The following PRMT8 variants were observed in gnomAD, a reference collection of about 807,000 sequenced individuals.
PRMT8 encodes protein arginine N-methyltransferase 8.
A neutral mutation model predicts 47.1 loss-of-function variants in PRMT8; 7 were observed. That is an observed-to-expected ratio of 0.15 (90% CI 0.08 to 0.28). The LOEUF (loss-of-function observed/expected upper bound fraction) is 0.28, where lower values mean the gene tolerates loss of function less well. Ranked by LOEUF, PRMT8 falls within the 10% of genes least tolerant of loss-of-function variation. The pLI, the probability that PRMT8 is intolerant of heterozygous loss-of-function variation, is 1.00. For missense variants in PRMT8, 237 were observed against 505.4 expected (o/e 0.47, Z 5.09); for synonymous variants, 188 against 186.5 (o/e 1.01, Z -0.07).
chr12:3,464,980 C>T (rs113445095), intron 1 of PRMT8, among the ~76,000 whole-genome samples: 10,945 of 151,352 alleles, frequency 0.072, 489 homozygotes, highest in Non-Finnish European at 0.1. Context: ...CAAAATTAGC[C>T]GGGCGTGGTG....
chr12:3,419,976 A>AGGGGGAGAGGGGGAG (rs2137060514), intron 1 of PRMT8, among the ~76,000 whole-genome samples: 1 of 56,914 alleles, frequency 1.8e-5, no homozygotes, highest in East Asian at 5.9e-4. Flanking sequence ...AAAGAGGGAG[A>AGGGGGAGAGGGGGAG]GGGGGAGAGG....
chr12:3,517,246 C>T (rs1049914365), intron 1 of PRMT8, among the ~76,000 whole-genome samples: 2 of 152,136 alleles, frequency 1.3e-5, no homozygotes, highest in East Asian at 3.8e-4. Context: ...CGCTGTTCTC[C>T]GGGTCTCTGA....
intron 1 of PRMT8, among the ~76,000 whole-genome samples, chr12:3,451,043 CCCCCCCCCCCCCG>C (rs1175766399): frequency 3.2e-4 from 16 of 49,936 alleles, no homozygotes; most frequent in African/African-American, 9.1e-4. Context: ...ACCCCCCCCC[CCCCCCCCCCCCCG>C]CCGAAAGGTT....
chr12:3,523,727 T>C (rs774107465), intron 1 of PRMT8, among the ~76,000 whole-genome samples: 2 of 152,196 alleles, frequency 1.3e-5, no homozygotes, highest in Non-Finnish European at 2.9e-5. Flanking sequence ...AAGGCAGGCA[T>C]TGCATGTTGG....
At chr12:3,396,048 C>T (rs1300432518) in intron 1 of PRMT8, among the ~76,000 whole-genome samples, 16 of 151,972 alleles carry the variant, frequency 1.1e-4, no homozygotes, top group South Asian at 6.3e-4. Context: ...TGCCTTTTTT[C>T]GTTTTCCATT....
chr12:3,406,835 T>G lies in PRMT8; in HGVS notation c.48+25393T>G, dbSNP rs148107635. Among the ~76,000 whole-genome samples, 281 of 152,346 alleles carry G rather than the reference T, an allele frequency of 1.8e-3. 1 individual carries two copies. Among genetic ancestry groups the G allele is most frequent in the African/African-American group, 6.4e-3 (266 of 41,576 alleles). ...CCAAACTTTCCCACATTTTCTTGTC[T>G]TCTTCTGAGACTTCCAAGCTGTTCC... On this transcript the variant is annotated intron_variant, in intron 1 of 9. Transcript: ENST00000452611.
intron 1 of PRMT8, among the ~76,000 whole-genome samples, chr12:3,392,954 G>A (rs1188518511): frequency 6.6e-6 from 1 of 152,176 alleles, no homozygotes; most frequent in Non-Finnish European, 1.5e-5. Flanking sequence ...GCATGTCTCT[G>A]ATGGCCAGTG....
intron 1 of PRMT8, among the ~76,000 whole-genome samples, chr12:3,462,518 G>A: frequency 6.6e-6 from 1 of 152,024 alleles, no homozygotes; most frequent in East Asian, 1.9e-4. Context: ...GCAATAGCAA[G>A]CAGTTTTAAA....
chr12:3,590,548 G>C (rs1272540884), intron 8 of PRMT8, among the ~76,000 whole-genome samples: 1 of 151,462 alleles, frequency 6.6e-6, no homozygotes, highest in Non-Finnish European at 1.5e-5. Context: ...AAGGCCACAT[G>C]TAAGTCTTTC....
rs185350026 is a variant in PRMT8, at chr12:3,550,369, G to C, written c.417+278G>C. 7.5e-5 allele frequency: 28 copies of C among 372,778 alleles called. No individual in the cohort carries two copies. The highest frequency in any genetic ancestry group is 8.0e-5 in the Non-Finnish European group (16 of 201,172). 23.1% of individuals were successfully genotyped at this position (372,778 alleles called of 1,614,324 possible). A position where few individuals can be genotyped will look rare whatever the true frequency, so the allele number is the denominator to read the frequency against. On this transcript the variant is annotated intron_variant, in intron 3 of 9. Coordinates refer to ENST00000382622, the MANE Select transcript of PRMT8 (RefSeq NM_019854.5). The surrounding 1 kb of genome is among the most constrained non-coding windows in gnomAD (Gnocchi z 5.1). The stretch of plus-strand genomic sequence containing the variant: ...TGTCATCATGACCTTTCAGTGCTTA[G>C]CCCCAAGGTCAGCTTCAGAGGCAGT...
Position 3,576,780 on chromosome 12 carries a change from C to T in PRMT8, c.713-91C>T, listed in dbSNP as rs1017244549. On this transcript the variant is annotated intron_variant, in intron 6 of 9. Transcript: ENST00000382622. The surrounding 1 kb of genome is among the most constrained non-coding windows in gnomAD (Gnocchi z 4.0). ...AAGGGAACTCGAGCTGCCACTCAGC[C>T]CTCAGGCACGCTGTGCTCTAGGACT... The T allele has an allele frequency of 1.0e-6, 1 of 966,380 alleles. No individual in the cohort carries two copies. The highest frequency in any genetic ancestry group is 1.6e-6 in the Non-Finnish European group (1 of 615,764). 59.9% of individuals were successfully genotyped at this position (966,380 alleles called of 1,614,324 possible).
Position 3,568,706 on chromosome 12 carries a change from T to C in PRMT8, c.482T>C (p.Ile161Thr), listed in dbSNP as rs778090689. The change falls in exon 5 of 10, where the codon ATC becomes ACC. Residue 161 changes from isoleucine (I) to threonine (T), a missense_variant and splice_region_variant. Physicochemically the swap from Ile to Thr is moderately conservative, Grantham distance 89. Transcript: ENST00000382622. ...TGGCCCTGGGGTTCTTATTTTCCAG[T>C]CATCACCATATTTAAGGGTAAAGTG... ...KIIKANHLDN[I>T]ITIFKGKVEE... The C allele has an allele frequency of 1.2e-6, 2 of 1,613,988 alleles. No homozygotes were observed. Among genetic ancestry groups the C allele is most frequent in the East Asian group, 4.5e-5 (2 of 44,880 alleles).
chr12:3,549,784 A>T, intron 2 of PRMT8, 152 bp from the exon 3 acceptor site: 1 of 779,974 alleles, frequency 1.3e-6, no homozygotes, highest in South Asian at 2.1e-5. Flanking sequence ...CACATGGCCC[A>T]GCTACCCCAG....
At chr12:3,435,556 T>C (rs1453921525) in intron 1 of PRMT8, among the ~76,000 whole-genome samples, 2 of 149,016 alleles carry the variant, frequency 1.3e-5, no homozygotes, top group African/African-American at 2.5e-5. Flanking sequence ...GAGTCTCCCT[T>C]TGTCACCCAG....
At chr12:3,459,291 C>T (rs1163497506) in intron 1 of PRMT8, among the ~76,000 whole-genome samples, 3 of 152,178 alleles carry the variant, frequency 2.0e-5, no homozygotes, top group African/African-American at 7.2e-5. Flanking sequence ...GCCCTGTCCC[C>T]CTTCCCACCT....
intron 2 of PRMT8, among the ~76,000 whole-genome samples, chr12:3,549,034 GT>G (rs1318383215): frequency 1.2e-4 from 19 of 152,154 alleles, no homozygotes; most frequent in Admixed American, 1.2e-3. Flanking sequence ...AAAACTTTAT[GT>G]TGCACAATTT....
chr12:3,543,880 C>T (rs184118849), intron 2 of PRMT8, among the ~76,000 whole-genome samples: 2 of 152,286 alleles, frequency 1.3e-5, no homozygotes, highest in East Asian at 1.9e-4. Flanking sequence ...GCTCCATGAC[C>T]TCCCAGACCC....
intron 1 of PRMT8, among the ~76,000 whole-genome samples, chr12:3,398,763 C>T (rs1864288725): frequency 6.6e-6 from 1 of 152,162 alleles, no homozygotes; most frequent in Admixed American, 6.5e-5. Context: ...AGCTCCATTA[C>T]TGTTTAGCCT....
chr12:3,402,218 A>G (rs1451161388), intron 1 of PRMT8, among the ~76,000 whole-genome samples: 2 of 152,232 alleles, frequency 1.3e-5, no homozygotes, highest in African/African-American at 2.4e-5. Flanking sequence ...GACAAAAACA[A>G]GCAATGGGGA....
Sources: allele counts gnomAD v4.1 joint callset (sites outside exome capture counted in the v4.1 genomes callset), GRCh38; gene constraint gnomAD v4.1.1; non-coding constraint Gnocchi (gnomAD v3.1); transcripts MANE v1.5; gene names NCBI Gene and HGNC (gene_info 2026-07-23, HGNC 2026-07-21).